TRPC1: variants seen among roughly 807,000 people sequenced by gnomAD.
The protein encoded by TRPC1 is short transient receptor potential channel 1.
A neutral mutation model predicts 88.2 loss-of-function variants in TRPC1; 42 were observed. That is an observed-to-expected ratio of 0.48 (90% CI 0.37 to 0.62). The LOEUF (loss-of-function observed/expected upper bound fraction) is 0.62. Ranked by LOEUF, TRPC1 falls within the 20% of genes least tolerant of loss-of-function variation. The probability of loss-of-function intolerance (pLI) is 0.00; values close to 1 mark genes in which losing one functional copy is unlikely to be tolerated. For synonymous variants in TRPC1, 288 were observed against 331.8 expected (o/e 0.87, Z 1.43); for missense variants, 699 against 957.3 (o/e 0.73, Z 3.56).
chr3:142,764,610 G>T (rs1409316096), intron 4 of TRPC1, among the ~76,000 whole-genome samples: 1 of 151,968 alleles, frequency 6.6e-6, no homozygotes, highest in African/African-American at 2.4e-5. Context: ...TGCCTGCATG[G>T]TTTCATTGAG....
At chr3:142,801,472 T>G (rs1936618809) in intron 9 of TRPC1, among the ~76,000 whole-genome samples, 1 of 152,118 alleles carries the variant, frequency 6.6e-6, no homozygotes, top group East Asian at 1.9e-4. Flanking sequence ...TGCATGCCAA[T>G]TTAAAAACCA....
At chr3:142,748,542 C>A in intron 4 of TRPC1, 82 bp downstream of exon 4, 3 of 1,460,640 alleles carry the variant, frequency 2.1e-6, no homozygotes, top group Non-Finnish European at 2.8e-6. Context: ...TCTTTCTATG[C>A]AGCTTTTAAG....
chr3:142,759,998 G>A (rs969755625), intron 4 of TRPC1, among the ~76,000 whole-genome samples: 1 of 151,968 alleles, frequency 6.6e-6, no homozygotes, highest in African/African-American at 2.4e-5. Context: ...TAATTTTTTT[G>A]TATTTTTTTA....
intron 9 of TRPC1, among the ~76,000 whole-genome samples, chr3:142,798,314 A>G (rs187096474): frequency 6.6e-4 from 100 of 152,298 alleles, no homozygotes; most frequent in African/African-American, 2.4e-3. Flanking sequence ...ATTTTAATTA[A>G]TGCACTGGGC....
In TRPC1 at chr3:142,806,963, A is replaced by G. The variant is rs1936813063; in HGVS notation, c.*728A>G. The G allele has an allele frequency of 6.6e-6, 1 of 152,056 alleles. No homozygotes were observed. The highest frequency in any genetic ancestry group is 2.4e-5 in the African/African-American group (1 of 41,434). The allele number at this position is 152,056 out of a possible 1,614,324, so 9.4% of individuals were successfully genotyped here. ...CATTTAAATTTTTATAGAATTATAT[A>G]GTTTTTGAAAAATACAGTCAGTAGA... On this transcript the variant is annotated 3_prime_UTR_variant, in exon 13 of 13. Transcript: ENST00000476941.
intron 2 of TRPC1, among the ~76,000 whole-genome samples, chr3:142,742,736 C>T (rs1422168450): frequency 1.3e-5 from 2 of 151,932 alleles, no homozygotes; most frequent in Non-Finnish European, 2.9e-5. Flanking sequence ...CCTAAAAATC[C>T]AAAAACCTGA....
chr3:142,737,472 A>G (rs1934186556), intron 2 of TRPC1, among the ~76,000 whole-genome samples: 1 of 152,114 alleles, frequency 6.6e-6, no homozygotes, highest in African/African-American at 2.4e-5. Context: ...GAAAGTAAGT[A>G]AAAAATACCT....
intron 4 of TRPC1, among the ~76,000 whole-genome samples, chr3:142,757,787 T>TGTAGCCCA (rs1402047144): frequency 2.0e-5 from 3 of 152,162 alleles, no homozygotes; most frequent in Non-Finnish European, 4.4e-5. Context: ...GTTCTGCACA[T>TGTAGCCCA]GTAGCCCAGA....
chr3:142,791,160 T>TG lies in TRPC1; in HGVS notation c.1437+3dup. ...CTCAAAGTGGTTGCTCACAACAAGG[T>TG]GACTATTTACTATGTCAATTGAAGG... On this transcript the variant is annotated splice_region_variant and intron_variant, in intron 8 of 12. Transcript: ENST00000476941. The TG allele has an allele frequency of 1.3e-6, 2 of 1,598,494 alleles. No homozygotes were observed. Among genetic ancestry groups the TG allele is most frequent in the Non-Finnish European group, 1.7e-6 (2 of 1,174,794 alleles).
At chr3:142,799,686 T>C (rs982707344) in intron 9 of TRPC1, among the ~76,000 whole-genome samples, 3 of 151,922 alleles carry the variant, frequency 2.0e-5, no homozygotes, top group Non-Finnish European at 4.4e-5. Context: ...ATGTGCCTAG[T>C]TTCTCATGAG....
intron 4 of TRPC1, among the ~76,000 whole-genome samples, chr3:142,772,197 G>A (rs1433330316): frequency 6.6e-6 from 1 of 151,982 alleles, no homozygotes; most frequent in Non-Finnish European, 1.5e-5. Context: ...TGTGTTGGTT[G>A]TTTTTCAAGA....
intron 4 of TRPC1, among the ~76,000 whole-genome samples, chr3:142,775,647 T>G (rs1460167832): frequency 6.6e-6 from 1 of 152,134 alleles, no homozygotes; most frequent in Non-Finnish European, 1.5e-5. Flanking sequence ...TCACTTTTGA[T>G]TGGACAGTAG....
At chr3:142,804,788 A>G (rs1936735557) in intron 12 of TRPC1, among the ~76,000 whole-genome samples, 158 bp downstream of exon 12, 1 of 152,138 alleles carries the variant, frequency 6.6e-6, no homozygotes, top group Non-Finnish European at 1.5e-5. Context: ...CATCCAACAT[A>G]AAGTAAGGAT....
intron 7 of TRPC1, among the ~76,000 whole-genome samples, chr3:142,786,950 C>G (rs1936152307): frequency 6.6e-6 from 1 of 152,138 alleles, no homozygotes; most frequent in South Asian, 2.1e-4. Flanking sequence ...CTAAAATAGT[C>G]ATACCACTCT....
At chr3:142,749,917 T>C (rs566962773) in intron 4 of TRPC1, among the ~76,000 whole-genome samples, 1 of 152,128 alleles carries the variant, frequency 6.6e-6, no homozygotes, top group African/African-American at 2.4e-5. Flanking sequence ...ATACAAAAAT[T>C]AACTCAAGAT....
In TRPC1 at chr3:142,724,795, C is replaced by T; in HGVS notation, c.172+64C>T. ...CCTCCAGACCTTTAGTCCTCTCCCC[C>T]GCCTCAACTTATATCGGGGCATTCC... On this transcript the variant is annotated intron_variant, in intron 1 of 12. Coordinates refer to ENST00000476941, the MANE Select transcript of TRPC1 (RefSeq NM_001251845.2). This position sits in a 1 kb window ranked among gnomAD's most constrained non-coding sequence, Gnocchi z 5.6. The T allele has an allele frequency of 4.2e-6, 6 of 1,437,828 alleles. No individual in the cohort carries two copies. Among genetic ancestry groups the T allele is most frequent in the East Asian group, 5.4e-5 (2 of 37,276 alleles). 89.1% of individuals were successfully genotyped at this position (1,437,828 alleles called of 1,614,324 possible). A position where few individuals can be genotyped will look rare whatever the true frequency, so the allele number is the denominator to read the frequency against.
At chr3:142,795,468 G>C (rs7637053) in intron 9 of TRPC1, among the ~76,000 whole-genome samples, 4,473 of 151,818 alleles carry the variant, frequency 0.029, 236 homozygotes, top group African/African-American at 0.1. Flanking sequence ...AGCAAACAGA[G>C]AATAGCAGGT....
Position 142,791,039 on chromosome 3 carries a change from A to G in TRPC1, c.1318A>G (p.Lys440Glu). 6.2e-7 allele frequency: 1 copy of G among 1,604,496 alleles called. No homozygotes were observed. The highest frequency in any genetic ancestry group is 8.5e-7 in the Non-Finnish European group (1 of 1,176,344). The change falls in exon 8 of 13, where the codon AAA becomes GAA. Residue 440 changes from lysine (K) to glutamate (E), a missense_variant. Transcript: ENST00000476941. ...WIIGMIWSDI[K>E]RLWYEGLEDF... The stretch of plus-strand genomic sequence containing the variant: ...CTCAGGGATGATTTGGTCAGACATT[A>G]AAAGACTCTGGTATGAAGGGTTGGA...
intron 7 of TRPC1, 29 bp downstream of exon 7, chr3:142,785,069 TG>T: frequency 1.5e-5 from 23 of 1,524,046 alleles, no homozygotes; most frequent in Non-Finnish European, 2.0e-5. Flanking sequence ...TGAAAGGTTT[TG>T]TCTTTATTTA....
Sources: allele counts gnomAD v4.1 joint callset (sites outside exome capture counted in the v4.1 genomes callset), GRCh38; gene constraint gnomAD v4.1.1; non-coding constraint Gnocchi (gnomAD v3.1); transcripts MANE v1.5; gene names NCBI Gene and HGNC (gene_info 2026-07-23, HGNC 2026-07-21).